The following UBE2Q2 variants were observed in gnomAD, a reference collection of about 807,000 sequenced individuals.
The protein encoded by UBE2Q2 is ubiquitin-conjugating enzyme E2 Q2.
Under a neutral mutation model 59.9 loss-of-function variants are expected in UBE2Q2, and 54 were observed. The observed-to-expected ratio is 0.90, with a 90% CI of 0.72 to 1.13. UBE2Q2 has a LOEUF of 1.13. Ranked by LOEUF, UBE2Q2 falls within the 50% of genes most tolerant of loss-of-function variation. UBE2Q2 has a pLI of 0.00. For synonymous variants in UBE2Q2, 165 were observed against 155.2 expected, an observed-to-expected ratio of 1.06 and a Z score of -0.47; for missense variants, 433 against 441.9, an observed-to-expected ratio of 0.98 and a Z score of 0.18.
intron 8 of UBE2Q2, 62 bp from the exon 9 acceptor site, chr15:75,883,304 C>A: frequency 7.0e-7 from 1 of 1,419,794 alleles, no homozygotes; most frequent in African/African-American, 1.4e-5. Flanking sequence ...TTAAAATCTT[C>A]TAAATAGTAT....
chr15:75,879,060 C>A, intron 7 of UBE2Q2, 38 bp from the exon 8 acceptor site: 1 of 1,431,098 alleles, frequency 7.0e-7, no homozygotes, highest in Non-Finnish European at 9.4e-7. Context: ...AAATCTCTAA[C>A]TTTTTATTTG....
At chr15:75,847,251 C>T (rs1288409267) in intron 1 of UBE2Q2, among the ~76,000 whole-genome samples, 2 of 152,080 alleles carry the variant, frequency 1.3e-5, no homozygotes, top group Non-Finnish European at 1.5e-5. Flanking sequence ...TCTTAACTGC[C>T]TTGTAAGTTA....
chr15:75,844,058 T>A, intron 1 of UBE2Q2: 1 of 1,407,160 alleles, frequency 7.1e-7, no homozygotes, highest in Non-Finnish European at 9.2e-7. Flanking sequence ...CTTTCCGGCT[T>A]CTCGCCAGGG....
At chr15:75,862,047 C>G (rs1897232622) in intron 3 of UBE2Q2, among the ~76,000 whole-genome samples, 1 of 152,126 alleles carries the variant, frequency 6.6e-6, no homozygotes, top group Admixed American at 6.6e-5. Flanking sequence ...ATAGTCAGTT[C>G]CTATTTTTGG....
At chr15:75,869,498 G>C (rs1215237088) in intron 4 of UBE2Q2, among the ~76,000 whole-genome samples, 2 of 152,182 alleles carry the variant, frequency 1.3e-5, no homozygotes, top group African/African-American at 2.4e-5. Context: ...ATAAAGAACA[G>C]ACATTTATTT....
In UBE2Q2 at chr15:75,854,475, G is replaced by A. The variant is rs375591727; in HGVS notation, c.270G>A (p.Lys90=). 3 of 1,607,226 alleles carry A rather than the reference G, an allele frequency of 1.9e-6. No homozygotes were observed. Among genetic ancestry groups the A allele is most frequent in the Non-Finnish European group, 2.5e-6 (3 of 1,176,544 alleles). The part of the protein sequence containing the change: ...TSVLERLEDT[K]NNNLLRQQLK... ...TTCTGGAACGTCTAGAAGATACTAA[G>A]AACAACAATTTGGTAAGAAAATAAG... The change falls in exon 2 of 13, where the codon AAG becomes AAA. Residue 90 remains lysine (K), a synonymous_variant. Coordinates refer to ENST00000267938, the MANE Select transcript of UBE2Q2 (RefSeq NM_173469.4).
At chr15:75,894,268 TA>T (rs953125763) in intron 11 of UBE2Q2, among the ~76,000 whole-genome samples, 2 of 151,542 alleles carry the variant, frequency 1.3e-5, no homozygotes, top group African/African-American at 2.4e-5. Context: ...GAAAGGACAA[TA>T]AAAAAAACCT....
chr15:75,853,737 C>T (rs1008910479), intron 1 of UBE2Q2, among the ~76,000 whole-genome samples: 6 of 152,048 alleles, frequency 3.9e-5, no homozygotes, highest in African/African-American at 1.4e-4. Context: ...CACCAGGCAG[C>T]GAAGTTGTTG....
At chr15:75,847,780 A>G (rs1595849635) in intron 1 of UBE2Q2, among the ~76,000 whole-genome samples, 1 of 152,142 alleles carries the variant, frequency 6.6e-6, no homozygotes, top group East Asian at 1.9e-4. Flanking sequence ...TTGGTAGGAA[A>G]TCACTGTTTT....
intron 2 of UBE2Q2, among the ~76,000 whole-genome samples, chr15:75,858,447 C>T (rs1004436171): frequency 1.3e-5 from 2 of 152,082 alleles, no homozygotes; most frequent in Non-Finnish European, 2.9e-5. Context: ...ACTGTCTTAG[C>T]GTTCTTTTAT....
At chr15:75,870,123 A>G (rs1440765975) in intron 4 of UBE2Q2, among the ~76,000 whole-genome samples, 12 of 152,062 alleles carry the variant, frequency 7.9e-5, no homozygotes, top group Admixed American at 7.9e-4. Flanking sequence ...GCTGGAGTGC[A>G]GTAGTGTGAT....
At chr15:75,867,458 T>A (rs1297327874) in intron 3 of UBE2Q2, among the ~76,000 whole-genome samples, 1 of 152,234 alleles carries the variant, frequency 6.6e-6, no homozygotes, top group African/African-American at 2.4e-5. Flanking sequence ...TTTAGTTCAC[T>A]AAGGGTATTC....
In UBE2Q2 at chr15:75,879,184, T is replaced by C; in HGVS notation, c.821T>C (p.Phe274Ser). The change falls in exon 8 of 13, where the codon TTT (phenylalanine) becomes TCT (serine). Residue 274 changes from phenylalanine to serine, a missense_variant. Transcript: ENST00000267938. ...GAATATATTTTGCTTAACTTCTCTT[T>C]TAAGGTAAGAAAATAGTTACAGGAC... The part of the protein sequence containing the change: ...GIEYILLNFS[F>S]KDNFPFDPPF... 6.4e-7 allele frequency: 1 copy of C among 1,574,242 alleles called. No homozygotes were observed. Among genetic ancestry groups the C allele is most frequent in the Non-Finnish European group, 8.6e-7 (1 of 1,156,094 alleles).
intron 5 of UBE2Q2, 88 bp from the exon 6 acceptor site, chr15:75,876,083 ATGTTGAGTGGTGATCC>A: frequency 8.8e-7 from 1 of 1,130,678 alleles, no homozygotes. Context: ...AAAAAAAAAA[ATGTTGAGTGGTGATCC>A]ATTTTTGCTG....
chr15:75,847,830 A>C (rs1896432429), intron 1 of UBE2Q2, among the ~76,000 whole-genome samples: 1 of 152,170 alleles, frequency 6.6e-6, no homozygotes, highest in South Asian at 2.1e-4. Context: ...TTAGCTAGTA[A>C]ACAAATGAAA....
rs1273741868 is a variant in UBE2Q2 at position 75,869,020 on chromosome 15, T to C, written c.447+10T>C. On this transcript the variant is annotated intron_variant, in intron 4 of 12. Coordinates refer to ENST00000267938, the MANE Select transcript of UBE2Q2 (RefSeq NM_173469.4). ...AGAAGAGATGGCTGAAGTAGGTATT[T>C]TATATAAAAGAAGAGTTCATAAATT... 1 of 1,607,300 alleles carries C rather than the reference T, an allele frequency of 6.2e-7. No homozygotes were observed. The highest frequency in any genetic ancestry group is 1.7e-5 in the Admixed American group (1 of 59,654).
At chr15:75,852,236 C>A (rs1295999005) in intron 1 of UBE2Q2, among the ~76,000 whole-genome samples, 1 of 152,102 alleles carries the variant, frequency 6.6e-6, no homozygotes, top group Non-Finnish European at 1.5e-5. Flanking sequence ...TTAAGCCTTT[C>A]CTGTGCATAG....
chr15:75,844,272 G>T lies in UBE2Q2; in HGVS notation c.180+426G>T, dbSNP rs930817882. 3 of 1,534,696 alleles carry T rather than the reference G, an allele frequency of 2.0e-6. No homozygotes were observed. In the Admixed American group the frequency reaches 6.0e-5, roughly 30 times the overall value. ...AGGGGAACGGCCCTTAAGTTTTAAC[G>T]CCTCATTTTTCAGTCGGATTTTCCT... On this transcript the variant is annotated intron_variant, in intron 1 of 12. Transcript: ENST00000267938.
intron 3 of UBE2Q2, among the ~76,000 whole-genome samples, chr15:75,866,454 T>A (rs1411903307): frequency 6.6e-6 from 1 of 152,198 alleles, no homozygotes; most frequent in African/African-American, 2.4e-5. Flanking sequence ...GTTACAGGCA[T>A]GAGCCACCGT....
Sources: gnomAD v4.1 joint callset for allele counts (sites outside exome capture counted in the v4.1 genomes callset) on GRCh38, gnomAD v4.1.1 for gene constraint, MANE v1.5 for transcripts, NCBI Gene and HGNC (gene_info 2026-07-23, HGNC 2026-07-21) for gene names.